Variants in HDAC4 observed in about 807,000 individuals in gnomAD.
HDAC4 encodes the protein histone deacetylase 4.
HDAC4 carries 16 observed loss-of-function variants against 135.1 expected under a neutral mutation model. The ratio of observed to expected loss-of-function variants is 0.12; its 90% confidence interval spans 0.08 to 0.18. The LOEUF is 0.18. Among genes scored for constraint, HDAC4 ranks in the 10% least tolerant of loss-of-function variants. The pLI is 1.00. For synonymous variants in HDAC4, 685 were observed against 653.4 expected, an observed-to-expected ratio of 1.05 and a Z score of -0.74; for missense variants, 1,143 against 1,511.8, an observed-to-expected ratio of 0.76 and a Z score of 4.05.
intron 15 of HDAC4, among the ~76,000 whole-genome samples, chr2:239,105,432 C>T (rs1167493113): frequency 2.6e-5 from 4 of 152,214 alleles, no homozygotes; most frequent in Admixed American, 6.5e-5. Context: ...CCCGACTGCT[C>T]AGAACGTGTG....
chr2:239,238,610 G>T (rs2048016425), intron 2 of HDAC4, among the ~76,000 whole-genome samples: 1 of 152,194 alleles, frequency 6.6e-6, no homozygotes, highest in African/African-American at 2.4e-5. Flanking sequence ...AGCAGCAGCG[G>T]TGGGGCCAGA....
chr2:239,320,140 T>A (rs1400897343), intron 2 of HDAC4, among the ~76,000 whole-genome samples: 2 of 152,122 alleles, frequency 1.3e-5, no homozygotes, highest in African/African-American at 2.4e-5. Flanking sequence ...CCCAGCACTT[T>A]GGGAGGCCGA....
At chr2:239,315,875 A>G (rs1272355018) in intron 2 of HDAC4, among the ~76,000 whole-genome samples, 1 of 152,244 alleles carries the variant, frequency 6.6e-6, no homozygotes, top group Non-Finnish European at 1.5e-5. Flanking sequence ...GCAATTTAAA[A>G]AAAACAGTAA....
intron 1 of HDAC4, among the ~76,000 whole-genome samples, chr2:239,368,840 C>A (rs537871277): frequency 6.6e-6 from 1 of 152,270 alleles, no homozygotes; most frequent in South Asian, 2.1e-4. Context: ...AGGTGATAGC[C>A]CAAGTTCCTC....
rs947203733 is a variant in HDAC4 at position 239,146,365 on chromosome 2, C to T, written c.734-1651G>A. ...GATTCCCCGGGCCTGGGACAGGAGCCACTTCTGAGAGGCAGGGGCTGTGTG... is the reference window on the plus strand; with the variant it reads ...GATTCCCCGGGCCTGGGACAGGAGCTACTTCTGAGAGGCAGGGGCTGTGTG... On this transcript the variant is annotated intron_variant, in intron 7 of 26. Transcript: ENST00000543185. The surrounding 1 kb of genome is among the most constrained non-coding windows in gnomAD (Gnocchi z 4.5). Among the ~76,000 whole-genome samples the T allele has an allele frequency of 6.6e-6, 1 of 152,238 alleles. No individual in the cohort carries two copies. Among genetic ancestry groups the T allele is most frequent in the African/African-American group, 2.4e-5 (1 of 41,466 alleles).
rs113606701 is a variant in HDAC4 at position 239,149,373 on chromosome 2, A to AAAATAAAT, written c.734-4667_734-4660dup. ...GGGCGACAGAGCGACGTTCCGTTTCAAAATAAATAAATAAATAAATAAATA... is the reference window on the plus strand; with the variant it reads ...GGGCGACAGAGCGACGTTCCGTTTCAAAATAAATAAATAAATAAATAAATAAATAAATA... On this transcript the variant is annotated intron_variant, in intron 7 of 26. Coordinates refer to ENST00000543185, the MANE Select transcript of HDAC4 (RefSeq NM_001378414.1). 2.9e-3 allele frequency among the ~76,000 whole-genome samples: 432 copies of AAAATAAAT among 149,474 alleles called. 2 individuals carry two copies. The highest frequency in any genetic ancestry group is 0.011 in the South Asian group (51 of 4,670).
chr2:239,090,314 G>C (rs939302250), intron 17 of HDAC4, among the ~76,000 whole-genome samples, 198 bp from the exon 18 acceptor site: 1 of 152,074 alleles, frequency 6.6e-6, no homozygotes, highest in Admixed American at 6.5e-5. Context: ...GAAAATACAA[G>C]AGAATTTACC....
chr2:239,168,413 C>T (rs2043241967), intron 5 of HDAC4, among the ~76,000 whole-genome samples: 1 of 152,176 alleles, frequency 6.6e-6, no homozygotes, highest in South Asian at 2.1e-4. Flanking sequence ...TGTGTTCTTG[C>T]TAAACATGAT....
rs770090975 is a variant in HDAC4 at position 239,081,197 on chromosome 2, G to A, written c.2653-5C>T. Reference sequence around the variant, plus strand: ...CACGCCGGGCCCTGTGCCCACCTGTGGCCAGAAGGAGAGAAACACACGTCA... The same window carrying A: ...CACGCCGGGCCCTGTGCCCACCTGTAGCCAGAAGGAGAGAAACACACGTCA... On this transcript the variant is annotated splice_region_variant and splice_polypyrimidine_tract_variant and intron_variant, in intron 21 of 26. Coordinates refer to ENST00000543185, the MANE Select transcript of HDAC4 (RefSeq NM_001378414.1). 107 of 1,611,542 alleles carry A rather than the reference G, an allele frequency of 6.6e-5. 2 individuals are homozygous for A. The South Asian group carries it at 1.1e-3, about 17-fold the overall frequency.
intron 2 of HDAC4, among the ~76,000 whole-genome samples, chr2:239,243,614 T>G (rs1014444439): frequency 2.0e-5 from 3 of 152,240 alleles, no homozygotes; most frequent in Admixed American, 2.0e-4. Flanking sequence ...AGCTTAGGGC[T>G]ACTGGGAAAC....
intron 2 of HDAC4, among the ~76,000 whole-genome samples, chr2:239,246,432 G>T (rs1269785996): frequency 6.6e-6 from 1 of 152,244 alleles, no homozygotes; most frequent in Non-Finnish European, 1.5e-5. Flanking sequence ...GTGTGGAAAA[G>T]GGGCTGCCCG....
intron 1 of HDAC4, among the ~76,000 whole-genome samples, chr2:239,380,028 A>T (rs1260506827): frequency 6.6e-6 from 1 of 151,858 alleles, no homozygotes; most frequent in East Asian, 1.9e-4. Flanking sequence ...GGGCGCCAAG[A>T]CTCCACTGGG....
Position 239,084,464 on chromosome 2 carries a change from C to T in HDAC4, c.2445-222G>A, listed in dbSNP as rs569094939. 2.6e-3 allele frequency among the ~76,000 whole-genome samples: 372 copies of T among 143,346 alleles called. 1 individual carries two copies. The highest frequency in any genetic ancestry group is 9.4e-3 in the African/African-American group (346 of 36,628). 94.0% of individuals were successfully genotyped at this position (143,346 alleles called of 152,430 possible). On this transcript the variant is annotated intron_variant, in intron 19 of 26. Transcript: ENST00000543185. ...GCAGACACACTCACACGCGTGCGCG[C>T]GCACACACACACACACACACACACA...
chr2:239,137,659 C>G (rs979311908), intron 9 of HDAC4, among the ~76,000 whole-genome samples: 2 of 152,190 alleles, frequency 1.3e-5, no homozygotes, highest in African/African-American at 4.8e-5. Flanking sequence ...CGAGACACCC[C>G]CTCTGACGGG....
Position 239,141,174 on chromosome 2 carries a change from C to T in HDAC4, c.866-1378G>A, listed in dbSNP as rs543208347. 1.3e-5 allele frequency among the ~76,000 whole-genome samples: 2 copies of T among 152,240 alleles called. No homozygotes were observed. Among genetic ancestry groups the T allele is most frequent in the East Asian group, 3.9e-4 (2 of 5,168 alleles). On this transcript the variant is annotated intron_variant, in intron 8 of 26. Coordinates refer to ENST00000543185, the MANE Select transcript of HDAC4 (RefSeq NM_001378414.1). The surrounding 1 kb of genome is among the most constrained non-coding windows in gnomAD (Gnocchi z 4.9). ...TGGGCGTCTGCATACCAGAGTTAAC[C>T]CAGCTGGGTGGTGAAGGCGCACCTC...
At chr2:239,230,350 TAAAAC>T (rs1163187392) in intron 3 of HDAC4, among the ~76,000 whole-genome samples, 5 of 40,184 alleles carry the variant, frequency 1.2e-4, no homozygotes, top group East Asian at 7.8e-4. Context: ...CTCTAAAAAT[TAAAAC>T]AAAGCAAGCA....
At chr2:239,310,811 A>G (rs1351110637) in intron 2 of HDAC4, among the ~76,000 whole-genome samples, 1 of 152,070 alleles carries the variant, frequency 6.6e-6, no homozygotes, top group African/African-American at 2.4e-5. Context: ...CTTCCCTCCA[A>G]AACAGACATG....
At chr2:239,367,117 C>T (rs6756979) in intron 1 of HDAC4, among the ~76,000 whole-genome samples, 11,227 of 152,164 alleles carry the variant, frequency 0.074, 925 homozygotes, top group African/African-American at 0.2. Context: ...TCTAAAACAG[C>T]GGTCCTCATA....
chr2:239,273,652 G>C (rs1372060030), intron 2 of HDAC4, among the ~76,000 whole-genome samples: 1 of 152,188 alleles, frequency 6.6e-6, no homozygotes, highest in Non-Finnish European at 1.5e-5. Flanking sequence ...GCAGGCTCCA[G>C]CTGCAACCGC....
Sources: allele counts gnomAD v4.1 joint callset (sites outside exome capture counted in the v4.1 genomes callset), GRCh38; gene constraint gnomAD v4.1.1; non-coding constraint Gnocchi (gnomAD v3.1); transcripts MANE v1.5; gene names NCBI Gene and HGNC (gene_info 2026-07-23, HGNC 2026-07-21).